Variants in CCDC85A observed in about 807,000 individuals in gnomAD.
CCDC85A encodes coiled-coil domain containing 85A, also known as coiled-coil domain-containing protein 85A.
In CCDC85A, 38 loss-of-function variants were observed where a neutral mutation model predicts 50.2. That is an observed-to-expected ratio of 0.76 (90% confidence interval 0.58 to 0.99). The LOEUF (loss-of-function observed/expected upper bound fraction) is 0.99, where lower values mean the gene tolerates loss of function less well. CCDC85A is among the 50% of genes least tolerant of loss of function. The pLI, the probability that CCDC85A is intolerant of heterozygous loss-of-function variation, is 0.00. For synonymous variants in CCDC85A, 366 were observed against 301.4 expected, an observed-to-expected ratio of 1.21 and a Z score of -2.22; for missense variants, 820 against 742.0, an observed-to-expected ratio of 1.11 and a Z score of -1.22.
At chr2:56,237,632 T>C (rs1669076468) in intron 2 of CCDC85A, among the ~76,000 whole-genome samples, 1 of 152,190 alleles carries the variant, frequency 6.6e-6, no homozygotes, top group African/African-American at 2.4e-5. Context: ...TTAAGAAATT[T>C]AGTCTAAATC....
intron 2 of CCDC85A, among the ~76,000 whole-genome samples, chr2:56,334,596 G>T (rs1226205107): frequency 6.6e-6 from 1 of 152,134 alleles, no homozygotes; most frequent in Non-Finnish European, 1.5e-5. Context: ...AAAGGGATCA[G>T]CCTAACAATA....
At position 56,340,285 on chromosome 2, in the gene CCDC85A, T is replaced by G. The variant is rs532870508; in HGVS notation, c.1241-2594T>G. On this transcript the variant is annotated intron_variant, in intron 2 of 5. Coordinates refer to ENST00000407595, the MANE Select transcript of CCDC85A (RefSeq NM_001080433.2). ...CTATTTCCACATAAAATAATTGTGT[T>G]TCCATGATGAAATTCAGATCAGGGC... Among the ~76,000 whole-genome samples the G allele has an allele frequency of 5.5e-4, 84 of 152,312 alleles. 1 individual carries two copies. In the Middle Eastern group the frequency reaches 0.031, roughly 56 times the overall value.
intron 3 of CCDC85A, among the ~76,000 whole-genome samples, chr2:56,343,742 T>C (rs1258841696): frequency 6.6e-6 from 1 of 152,220 alleles, no homozygotes; most frequent in Non-Finnish European, 1.5e-5. Context: ...ACTAGGGTTC[T>C]TTCTACATTC....
At chr2:56,373,593 G>A (rs562327645) in intron 4 of CCDC85A, among the ~76,000 whole-genome samples, 4 of 152,222 alleles carry the variant, frequency 2.6e-5, no homozygotes, top group African/African-American at 7.2e-5. Flanking sequence ...TACCAGGTCT[G>A]GAAAGAGAAC....
In CCDC85A at chr2:56,217,108, T is replaced by C. The variant is rs182813099; in HGVS notation, c.1240+23668T>C. ...TCAGACTCACCTCTCAAAGGTTAGG[T>C]TAGAGGTAATACAAATGAGGATGTA... On this transcript the variant is annotated intron_variant, in intron 2 of 5. Coordinates refer to ENST00000407595, the MANE Select transcript of CCDC85A (RefSeq NM_001080433.2). Among the ~76,000 whole-genome samples, 265 of 152,048 alleles carry C rather than the reference T, an allele frequency of 1.7e-3. 2 individuals carry two copies. Among genetic ancestry groups the C allele is most frequent in the African/African-American group, 6.0e-3 (248 of 41,532 alleles).
At chr2:56,319,651 C>G (rs1415187436) in intron 2 of CCDC85A, among the ~76,000 whole-genome samples, 1 of 152,088 alleles carries the variant, frequency 6.6e-6, no homozygotes, top group Non-Finnish European at 1.5e-5. Flanking sequence ...CCAAGTAAAT[C>G]TGCATTTTAT....
At chr2:56,373,019 C>T (rs1265051995) in intron 4 of CCDC85A, among the ~76,000 whole-genome samples, 3 of 151,958 alleles carry the variant, frequency 2.0e-5, no homozygotes, top group Admixed American at 6.6e-5. Context: ...TAAATTGAAC[C>T]CTCATAATTC....
intron 2 of CCDC85A, among the ~76,000 whole-genome samples, chr2:56,257,139 C>T (rs1670018006): frequency 6.6e-6 from 1 of 152,060 alleles, no homozygotes; most frequent in African/African-American, 2.4e-5. Flanking sequence ...CTTCTGTGTG[C>T]GAGATGCTAT....
At chr2:56,189,773 C>T (rs1414350086) in intron 1 of CCDC85A, among the ~76,000 whole-genome samples, 1 of 152,118 alleles carries the variant, frequency 6.6e-6, no homozygotes, top group Non-Finnish European at 1.5e-5. Context: ...TCTGTTGTTG[C>T]CATCTTTATG....
chr2:56,311,365 A>G (rs146737784), intron 2 of CCDC85A, among the ~76,000 whole-genome samples: 1,723 of 152,150 alleles, frequency 0.011, 16 homozygotes, highest in Non-Finnish European at 0.014. Context: ...GCTCAAACAT[A>G]GGATTTTGGC....
chr2:56,356,704 G>T (rs900007209), intron 3 of CCDC85A, among the ~76,000 whole-genome samples: 1 of 137,906 alleles, frequency 7.3e-6, no homozygotes, highest in Non-Finnish European at 1.5e-5. Context: ...CAGCCTGGCC[G>T]ACAGAACTTT....
At position 56,249,589 on chromosome 2, in the gene CCDC85A, C is replaced by T. The variant is rs115482679; in HGVS notation, c.1240+56149C>T. Among the ~76,000 whole-genome samples, 575 of 152,352 alleles carry T rather than the reference C, an allele frequency of 3.8e-3. 2 individuals carry two copies. The highest frequency in any genetic ancestry group is 0.013 in the African/African-American group (554 of 41,590). ...GCTTTATTTAGATCAGCTGCCTTTG[C>T]GTATGCAGCATCTTTCATTGACACA... On this transcript the variant is annotated intron_variant, in intron 2 of 5. Transcript: ENST00000407595.
At chr2:56,304,461 C>T (rs1313863312) in intron 2 of CCDC85A, among the ~76,000 whole-genome samples, 2 of 152,060 alleles carry the variant, frequency 1.3e-5, no homozygotes, top group Admixed American at 1.3e-4. Flanking sequence ...TGAGAGTTCA[C>T]CGGGCCAAGT....
In CCDC85A at chr2:56,184,907, G is replaced by A; in HGVS notation, c.276+7G>A. 6.7e-7 allele frequency: 1 copy of A among 1,497,496 alleles called. No homozygotes were observed. Among genetic ancestry groups the A allele is most frequent in the South Asian group, 1.3e-5 (1 of 77,774 alleles). 92.8% of individuals were successfully genotyped at this position (1,497,496 alleles called of 1,614,324 possible). A position where few individuals can be genotyped will look rare whatever the true frequency, so the allele number is the denominator to read the frequency against. On this transcript the variant is annotated splice_region_variant and intron_variant, in intron 1 of 5. Coordinates refer to ENST00000407595, the MANE Select transcript of CCDC85A (RefSeq NM_001080433.2). ...CGAGATCCGCGGCCTCAAGGTGAGCGCGGGCCAGGTGGGGAGGCGCGGCGC... is the reference window on the plus strand; with the variant it reads ...CGAGATCCGCGGCCTCAAGGTGAGCACGGGCCAGGTGGGGAGGCGCGGCGC...
chr2:56,307,845 A>T (rs1015319592), intron 2 of CCDC85A, among the ~76,000 whole-genome samples: 1 of 152,240 alleles, frequency 6.6e-6, no homozygotes, highest in East Asian at 1.9e-4. Context: ...GATGTAACTC[A>T]TAGATAGGAC....
At chr2:56,203,085 T>C (rs554119807) in intron 2 of CCDC85A, among the ~76,000 whole-genome samples, 1 of 152,324 alleles carries the variant, frequency 6.6e-6, no homozygotes, top group South Asian at 2.1e-4. Context: ...AATGGTCTTA[T>C]GTTGATTGGC....
chr2:56,212,311 A>G lies in CCDC85A; in HGVS notation c.1240+18871A>G, dbSNP rs57797764. ...TTCAGATTTTTTGAGAGTAGAAGCC[A>G]TCTTTTGTCTACATATCCCAATGCT... On this transcript the variant is annotated intron_variant, in intron 2 of 5. Transcript: ENST00000407595. 4.0e-3 allele frequency among the ~76,000 whole-genome samples: 616 copies of G among 152,126 alleles called. 3 individuals carry two copies. The highest frequency in any genetic ancestry group is 0.01 in the Middle Eastern group (3 of 294).
chr2:56,273,042 A>T (rs1670766198), intron 2 of CCDC85A, among the ~76,000 whole-genome samples: 1 of 152,226 alleles, frequency 6.6e-6, no homozygotes, highest in South Asian at 2.1e-4. Flanking sequence ...TAAGAACAGG[A>T]TGTTACAATA....
rs147017665 is a variant in CCDC85A, at chr2:56,273,481, T to C, written c.1241-69398T>C. Among the ~76,000 whole-genome samples the C allele has an allele frequency of 5.5e-3, 838 of 152,116 alleles. 3 individuals are homozygous for C. The highest frequency in any genetic ancestry group is 0.021 in the Middle Eastern group (6 of 290). ...TGGATTATAGAAAACAAAGGGACAATGCCTTTAAAACTGAGGAAGAATTGC... is the reference window on the plus strand; with the variant it reads ...TGGATTATAGAAAACAAAGGGACAACGCCTTTAAAACTGAGGAAGAATTGC... On this transcript the variant is annotated intron_variant, in intron 2 of 5. Coordinates refer to ENST00000407595, the MANE Select transcript of CCDC85A (RefSeq NM_001080433.2).
Sources: allele counts gnomAD v4.1 joint callset (sites outside exome capture counted in the v4.1 genomes callset), GRCh38; gene constraint gnomAD v4.1.1; transcripts MANE v1.5; gene names NCBI Gene and HGNC (gene_info 2026-07-23, HGNC 2026-07-21).